ANOS1: variants seen among roughly 807,000 people sequenced by gnomAD.
ANOS1 encodes the protein anosmin-1.
A neutral mutation model predicts 59.0 loss-of-function variants in ANOS1; 6 were observed. The ratio of observed to expected loss-of-function variants is 0.10; its 90% confidence interval spans 0.06 to 0.20. The LOEUF is 0.20. Among genes scored for constraint, ANOS1 ranks in the 10% least tolerant of loss-of-function variants. The probability of loss-of-function intolerance (pLI) is 1.00; values close to 1 mark genes in which losing one functional copy is unlikely to be tolerated. For missense variants in ANOS1, 433 were observed against 542.3 expected, an observed-to-expected ratio of 0.80 and a Z score of 2.00; for synonymous variants, 217 against 223.4, an observed-to-expected ratio of 0.97 and a Z score of 0.25.
intron 2 of ANOS1, among the ~76,000 whole-genome samples, chrX:8,676,639 T>C (rs1932342439): frequency 8.9e-6 from 1 of 112,214 alleles, no homozygotes; most frequent in African/African-American, 3.2e-5. Flanking sequence ...CTAGCCAGTT[T>C]TCTTTTTTAA....
intron 1 of ANOS1, among the ~76,000 whole-genome samples, chrX:8,700,780 G>A (rs1932750456): frequency 9.0e-6 from 1 of 111,668 alleles, no homozygotes; most frequent in Non-Finnish European, 1.9e-5. Context: ...AGGCCAAGAC[G>A]GGTGGATCGC....
At chrX:8,658,280 G>T (rs1365133471) in intron 2 of ANOS1, among the ~76,000 whole-genome samples, 1 of 111,347 alleles carries the variant, frequency 9.0e-6, no homozygotes, top group Admixed American at 9.5e-5. Context: ...TGTTGGACAC[G>T]GCCAAACCCC....
At chrX:8,577,031 G>C (rs749709209) in intron 6 of ANOS1, among the ~76,000 whole-genome samples, 1 of 111,359 alleles carries the variant, frequency 9.0e-6, no homozygotes, top group South Asian at 3.8e-4. Context: ...AAACAAATGA[G>C]TGTGGCTATG....
chrX:8,715,547 G>A (rs1932837246), intron 1 of ANOS1, among the ~76,000 whole-genome samples: 1 of 107,966 alleles, frequency 9.3e-6, no homozygotes, highest in Non-Finnish European at 1.9e-5. Flanking sequence ...CCAAAGCACT[G>A]GGATGACAGG....
At chrX:8,570,146 A>C (rs898280139) in intron 7 of ANOS1, among the ~76,000 whole-genome samples, 3 of 110,786 alleles carry the variant, frequency 2.7e-5, no homozygotes, top group African/African-American at 9.8e-5. Context: ...CTCTCAAAAA[A>C]AAAAAAAAAA....
intron 7 of ANOS1, among the ~76,000 whole-genome samples, chrX:8,569,439 G>A (rs1423504933): frequency 8.9e-6 from 1 of 112,279 alleles, no homozygotes; most frequent in Non-Finnish European, 1.9e-5. Context: ...TCAGGAGATA[G>A]AGATCATCCT....
At chrX:8,553,830 G>C in intron 9 of ANOS1, 122 bp downstream of exon 9, 1 of 588,796 alleles carries the variant, frequency 1.7e-6, no homozygotes, top group Non-Finnish European at 2.8e-6. Flanking sequence ...ATTCAGACTT[G>C]TGTTCAACAA....
rs185794363 is a variant in ANOS1, at chrX:8,532,165, A to C, written c.*830T>G. The C allele has an allele frequency of 4.0e-4, 45 of 112,373 alleles. No homozygotes were observed. Among genetic ancestry groups the C allele is most frequent in the Middle Eastern group, 4.6e-3 (1 of 218 alleles). 9.3% of individuals were successfully genotyped at this position (112,373 alleles called of 1,213,427 possible). On this transcript the variant is annotated 3_prime_UTR_variant, in exon 14 of 14. Transcript: ENST00000262648. Reference sequence around the variant, plus strand: ...TTTGTGAATTTTCAGATGGTGAAACAAAAGTGCACCAAAAGCTATTATCTG... The same window carrying C: ...TTTGTGAATTTTCAGATGGTGAAACCAAAGTGCACCAAAAGCTATTATCTG...
At chrX:8,609,642 A>C (rs1931006725) in intron 3 of ANOS1, among the ~76,000 whole-genome samples, 1 of 111,089 alleles carries the variant, frequency 9.0e-6, no homozygotes, top group Admixed American at 9.6e-5. Context: ...CCAGAGTTTC[A>C]ATGGGAAATC....
At chrX:8,718,625 C>A (rs1333809059) in intron 1 of ANOS1, among the ~76,000 whole-genome samples, 1 of 111,980 alleles carries the variant, frequency 8.9e-6, no homozygotes, top group Non-Finnish European at 1.9e-5. Context: ...ACTCTAGGGG[C>A]CAGGCGCCAA....
chrX:8,677,244 C>A (rs937670969), intron 2 of ANOS1, among the ~76,000 whole-genome samples: 6 of 111,416 alleles, frequency 5.4e-5, no homozygotes, highest in African/African-American at 2.0e-4. Flanking sequence ...TGACCGCCCC[C>A]ACTAGATACC....
chrX:8,571,110 T>G (rs1470430678), intron 6 of ANOS1, among the ~76,000 whole-genome samples: 1 of 63,105 alleles, frequency 1.6e-5, no homozygotes, highest in Non-Finnish European at 2.5e-5. Flanking sequence ...AGACACTGTC[T>G]CAAAAAAAAA....
At chrX:8,561,284 ATTTATTTTAT>A (rs905818962) in intron 8 of ANOS1, among the ~76,000 whole-genome samples, 1 of 111,278 alleles carries the variant, frequency 9.0e-6, no homozygotes, top group Non-Finnish European at 1.9e-5. Flanking sequence ...ACTGAGAATC[ATTTATTTTAT>A]TTTATTTTAT....
At chrX:8,552,082 G>A (rs778346464) in intron 9 of ANOS1, among the ~76,000 whole-genome samples, 6 of 112,342 alleles carry the variant, frequency 5.3e-5, no homozygotes, top group African/African-American at 1.6e-4. Flanking sequence ...CCAATTGTCA[G>A]TAAAATTACA....
At chrX:8,667,920 C>A (rs778174488) in intron 2 of ANOS1, among the ~76,000 whole-genome samples, 6 of 111,260 alleles carry the variant, frequency 5.4e-5, no homozygotes, top group Non-Finnish European at 1.1e-4. Context: ...TTGCCTTCCC[C>A]ATATGCATAA....
chrX:8,688,847 A>G (rs1932561894), intron 2 of ANOS1, among the ~76,000 whole-genome samples: 1 of 112,053 alleles, frequency 8.9e-6, no homozygotes, highest in Non-Finnish European at 1.9e-5. Context: ...GGAATGTTTC[A>G]GCTACCACAG....
intron 3 of ANOS1, among the ~76,000 whole-genome samples, chrX:8,601,278 A>G (rs770822705): frequency 1.9e-3 from 213 of 110,800 alleles, no homozygotes; most frequent in Non-Finnish European, 3.6e-3. Flanking sequence ...ACAGTGACTT[A>G]GTTTGCATCA....
intron 1 of ANOS1, among the ~76,000 whole-genome samples, chrX:8,724,565 G>A (rs923637935): frequency 8.9e-6 from 1 of 112,460 alleles, no homozygotes; most frequent in Admixed American, 9.4e-5. Context: ...CGCACATCAA[G>A]GGAGGAGGAT....
intron 2 of ANOS1, among the ~76,000 whole-genome samples, chrX:8,682,470 C>T (rs988002303): frequency 2.7e-5 from 3 of 110,658 alleles, no homozygotes; most frequent in Non-Finnish European, 3.8e-5. Flanking sequence ...GTTCAAGACC[C>T]GTGGGATGCA....
Sources: allele counts gnomAD v4.1 joint callset (sites outside exome capture counted in the v4.1 genomes callset), GRCh38; gene constraint gnomAD v4.1.1; transcripts MANE v1.5; gene names NCBI Gene and HGNC (gene_info 2026-07-23, HGNC 2026-07-21).